MSRA: variants seen among roughly 807,000 people sequenced by gnomAD.
MSRA encodes mitochondrial peptide methionine sulfoxide reductase.
MSRA carries 54 observed loss-of-function variants against 31.3 expected under a neutral mutation model. That is an observed-to-expected ratio of 1.73 (90% CI 1.39 to 2.17). The LOEUF (loss-of-function observed/expected upper bound fraction) is 2.17. Ranked by LOEUF, MSRA falls within the 30% of genes most tolerant of loss-of-function variation. The pLI is 0.00. For missense variants in MSRA, 507 were observed against 300.9 expected, an observed-to-expected ratio of 1.69 and a Z score of -5.07; for synonymous variants, 169 against 116.5, an observed-to-expected ratio of 1.45 and a Z score of -2.90.
chr8:10,202,311 T>C (rs1303945278), intron 1 of MSRA, among the ~76,000 whole-genome samples: 3 of 152,262 alleles, frequency 2.0e-5, no homozygotes, highest in African/African-American at 7.2e-5. Context: ...GCTGGGGTCA[T>C]TTCTTGGTTG....
At chr8:10,245,306 T>C in intron 3 of MSRA, 83 bp downstream of exon 3, 1 of 1,284,348 alleles carries the variant, frequency 7.8e-7, no homozygotes, top group East Asian at 2.3e-5. Flanking sequence ...CTCTTTAAAA[T>C]GGAAATATGT....
chr8:10,423,308 A>C (rs6985267), intron 5 of MSRA, among the ~76,000 whole-genome samples: 42,939 of 152,100 alleles, frequency 0.28, 7,055 homozygotes, highest in East Asian at 0.75. Context: ...CAATTCGTTA[A>C]GGAAAAGTAG....
intron 5 of MSRA, among the ~76,000 whole-genome samples, chr8:10,395,567 G>A (rs1386578709): frequency 1.3e-5 from 2 of 152,172 alleles, no homozygotes; most frequent in East Asian, 1.9e-4. Flanking sequence ...ACTGATGTTC[G>A]AGGAGTTTGA....
intron 2 of MSRA, among the ~76,000 whole-genome samples, chr8:10,215,828 C>G (rs1375265272): frequency 2.0e-5 from 3 of 152,140 alleles, no homozygotes; most frequent in Non-Finnish European, 4.4e-5. Context: ...CAGCAACCAC[C>G]CACTTGACTG....
chr8:10,140,940 G>A (rs773375355), intron 1 of MSRA, among the ~76,000 whole-genome samples: 1 of 152,162 alleles, frequency 6.6e-6, no homozygotes, highest in Non-Finnish European at 1.5e-5. Flanking sequence ...GTGAGACACA[G>A]ACAAAACGAG....
intron 2 of MSRA, among the ~76,000 whole-genome samples, chr8:10,215,833 T>A (rs1809941754): frequency 6.6e-6 from 1 of 152,256 alleles, no homozygotes; most frequent in South Asian, 2.1e-4. Context: ...ACCACCCACT[T>A]GACTGACGTT....
chr8:10,096,188 T>C (rs1799145580), intron 1 of MSRA: 1 of 1,257,204 alleles, frequency 8.0e-7, no homozygotes, highest in African/African-American at 1.5e-5. Context: ...AACGTTTTCT[T>C]AAAGCAACAG....
intron 1 of MSRA, among the ~76,000 whole-genome samples, chr8:10,147,030 G>A (rs958018783): frequency 6.6e-6 from 1 of 152,196 alleles, no homozygotes; most frequent in African/African-American, 2.4e-5. Context: ...CGGCAGAGGC[G>A]AGGTGGCCCT....
intron 5 of MSRA, among the ~76,000 whole-genome samples, chr8:10,323,149 C>T (rs112132585): frequency 1.1e-4 from 16 of 151,396 alleles, no homozygotes; most frequent in South Asian, 2.1e-4. Flanking sequence ...CTGATTCCTC[C>T]ACTTGAGCGG....
chr8:10,114,349 A>T (rs1371423791), intron 1 of MSRA, among the ~76,000 whole-genome samples: 1 of 152,216 alleles, frequency 6.6e-6, no homozygotes, highest in Non-Finnish European at 1.5e-5. Context: ...TGGGGGCCAG[A>T]CGTAAGAGTG....
chr8:10,425,711 C>T (rs925025463), intron 5 of MSRA, among the ~76,000 whole-genome samples: 4 of 152,220 alleles, frequency 2.6e-5, no homozygotes, highest in African/African-American at 4.8e-5. Flanking sequence ...CGGTGTCAGC[C>T]GCGGAGTGGG....
chr8:10,395,767 C>T (rs1294797083), intron 5 of MSRA, among the ~76,000 whole-genome samples: 1 of 152,174 alleles, frequency 6.6e-6, no homozygotes, highest in Non-Finnish European at 1.5e-5. Flanking sequence ...CCCTGAAGTC[C>T]AATGAAACCT....
intron 1 of MSRA, among the ~76,000 whole-genome samples, chr8:10,106,259 T>C (rs931148184): frequency 6.6e-6 from 1 of 152,232 alleles, no homozygotes; most frequent in African/African-American, 2.4e-5. Context: ...TCAATTCCAG[T>C]TGGCCTTATT....
intron 3 of MSRA, among the ~76,000 whole-genome samples, chr8:10,256,180 A>G (rs757288069): frequency 6.6e-6 from 1 of 151,838 alleles, no homozygotes; most frequent in Non-Finnish European, 1.5e-5. Flanking sequence ...CGGAGTCTTC[A>G]TGTGTTTGCC....
chr8:10,110,342 C>T (rs1427239516), intron 1 of MSRA, among the ~76,000 whole-genome samples: 4 of 152,018 alleles, frequency 2.6e-5, no homozygotes, highest in South Asian at 2.1e-4. Flanking sequence ...GTGGATTATC[C>T]AGATTTGTGG....
At chr8:10,107,301 T>C (rs1799952390) in intron 1 of MSRA, among the ~76,000 whole-genome samples, 2 of 151,902 alleles carry the variant, frequency 1.3e-5, no homozygotes, top group South Asian at 4.2e-4. Flanking sequence ...AGTATAGCAC[T>C]CTGAAAAATA....
chr8:10,278,568 A>T (rs1490571878), intron 3 of MSRA, among the ~76,000 whole-genome samples: 1 of 152,194 alleles, frequency 6.6e-6, no homozygotes, highest in East Asian at 1.9e-4. Flanking sequence ...GGGCACACCT[A>T]TGGCCTGTAG....
At chr8:10,325,586 G>C (rs2129141071) in intron 5 of MSRA, among the ~76,000 whole-genome samples, 1 of 152,232 alleles carries the variant, frequency 6.6e-6, no homozygotes, top group South Asian at 2.1e-4. Flanking sequence ...ATGAATTTCT[G>C]ACTGTTTATT....
At chr8:10,145,836 G>C (rs182605198) in intron 1 of MSRA, among the ~76,000 whole-genome samples, 16 of 152,272 alleles carry the variant, frequency 1.1e-4, no homozygotes, top group Admixed American at 1.0e-3. Flanking sequence ...ACGTGTGTGT[G>C]TGTGTGTAAT....
Sources: gnomAD v4.1 joint callset for allele counts (sites outside exome capture counted in the v4.1 genomes callset) on GRCh38, gnomAD v4.1.1 for gene constraint, MANE v1.5 for transcripts, NCBI Gene and HGNC (gene_info 2026-07-23, HGNC 2026-07-21) for gene names.